PLPBP: variants seen among roughly 807,000 people sequenced by gnomAD.
PLPBP encodes pyridoxal phosphate homeostasis protein.
In PLPBP, 21 loss-of-function variants were observed where a neutral mutation model predicts 31.2. That is an observed-to-expected ratio of 0.67 (90% CI 0.48 to 0.97). The LOEUF is 0.97. PLPBP is among the 50% of genes least tolerant of loss of function. The pLI, the probability that PLPBP is intolerant of heterozygous loss-of-function variation, is 0.00. For synonymous variants in PLPBP, 124 were observed against 135.6 expected (o/e 0.91, Z 0.59); for missense variants, 308 against 354.4 (o/e 0.87, Z 1.05).
rs1803633062 is a variant in PLPBP, at chr8:37,766,492, G to A, written c.319+137G>A. 3.0e-6 allele frequency: 4 copies of A among 1,320,684 alleles called. No homozygotes were observed. The Middle Eastern group carries it at 7.9e-4, about 260-fold the overall frequency. 81.8% of individuals were successfully genotyped at this position (1,320,684 alleles called of 1,614,324 possible). A position where few individuals can be genotyped will look rare whatever the true frequency, so the allele number is the denominator to read the frequency against. On this transcript the variant is annotated intron_variant, in intron 4 of 7. Transcript: ENST00000328195. ...TTGGAATTTCTTTAGGAAAGTCTGAGTTCTTAATAAAAAGAGAAAACATCA... is the reference window on the plus strand; with the variant it reads ...TTGGAATTTCTTTAGGAAAGTCTGAATTCTTAATAAAAAGAGAAAACATCA...
chr8:37,768,957 A>G (rs936507869), intron 4 of PLPBP, among the ~76,000 whole-genome samples: 11 of 152,198 alleles, frequency 7.2e-5, no homozygotes, highest in African/African-American at 9.7e-5. Flanking sequence ...AATAAAAGCT[A>G]TAAAAGTATT....
chr8:37,766,951 G>T (rs149592463), intron 4 of PLPBP, among the ~76,000 whole-genome samples: 1 of 148,396 alleles, frequency 6.7e-6, no homozygotes, highest in Non-Finnish European at 1.5e-5. Context: ...GGAGGCTGAC[G>T]CAGGAGAATC....
chr8:37,763,590 A>G (rs983991711), intron 1 of PLPBP, among the ~76,000 whole-genome samples: 2 of 152,138 alleles, frequency 1.3e-5, no homozygotes, highest in Non-Finnish European at 1.5e-5. Flanking sequence ...TGATGTTAAT[A>G]TTCTGTGATT....
chr8:37,769,070 C>T (rs1198826026), intron 4 of PLPBP, among the ~76,000 whole-genome samples: 1 of 152,126 alleles, frequency 6.6e-6, no homozygotes, highest in Non-Finnish European at 1.5e-5. Context: ...CACAGTGGCT[C>T]ACACCTGTAA....
chr8:37,775,162 G>A (rs1243036719), intron 5 of PLPBP, 177 bp from the exon 6 acceptor site: 1 of 591,170 alleles, frequency 1.7e-6, no homozygotes, highest in African/African-American at 1.9e-5. Context: ...AACCTGACCA[G>A]AAGCAGAGCA....
intron 7 of PLPBP, among the ~76,000 whole-genome samples, chr8:37,777,085 T>A (rs750943121): frequency 6.6e-6 from 1 of 152,200 alleles, no homozygotes; most frequent in Non-Finnish European, 1.5e-5. Context: ...ATCTTATGTG[T>A]AGATTCACCA....
intron 4 of PLPBP, among the ~76,000 whole-genome samples, chr8:37,769,579 C>A (rs542334980): frequency 2.3e-4 from 35 of 151,708 alleles, no homozygotes; most frequent in Admixed American, 1.1e-3. Context: ...ATACAAAAGG[C>A]CAGTAATCAA....
chr8:37,763,010 TGTC>T (rs1490756430), intron 1 of PLPBP, among the ~76,000 whole-genome samples: 1 of 152,028 alleles, frequency 6.6e-6, no homozygotes, highest in African/African-American at 2.4e-5. Context: ...AGTGCCTAGG[TGTC>T]GTGGCCACTT....
chr8:37,765,118 C>T (rs192200988), intron 1 of PLPBP, among the ~76,000 whole-genome samples: 2 of 152,230 alleles, frequency 1.3e-5, no homozygotes, highest in African/African-American at 2.4e-5. Context: ...GCAGAGGTTG[C>T]GGTGAGCCGA....
rs781152737 is a variant in PLPBP at position 37,775,479 on chromosome 8, C to T, written c.595C>T (p.Gln199Ter). ...TAGTCAAGGACCAAATCCAGACTTCCAGGTACTGGGGGGTCGGGGAGATTG... is the reference window on the plus strand; with the variant it reads ...TAGTCAAGGACCAAATCCAGACTTCTAGGTACTGGGGGGTCGGGGAGATTG... ...DLSQGPNPDF[Q>*]LLLSLREELC... is the part of the protein sequence containing the mutation. Residue 199 changes from glutamine (Q) to a stop codon, truncating the protein, a stop_gained and splice_region_variant, in exon 6 of 8, where the codon CAG becomes TAG. Coordinates refer to ENST00000328195, the MANE Select transcript of PLPBP (RefSeq NM_007198.4). LOFTEE classifies it high-confidence loss of function. 6.2e-7 allele frequency: 1 copy of T among 1,613,866 alleles called. No individual in the cohort carries two copies. The highest frequency in any genetic ancestry group is 1.1e-5 in the South Asian group (1 of 91,068).
At chr8:37,762,998 T>G (rs1420044919) in intron 1 of PLPBP, among the ~76,000 whole-genome samples, 3 of 152,170 alleles carry the variant, frequency 2.0e-5, no homozygotes, top group Non-Finnish European at 4.4e-5. Context: ...GGAAAATGAC[T>G]TAGTGCCTAG....
intron 5 of PLPBP, 90 bp downstream of exon 5, chr8:37,772,979 A>T (rs1803814516): frequency 6.6e-7 from 1 of 1,508,150 alleles, no homozygotes; most frequent in Non-Finnish European, 9.1e-7. Flanking sequence ...TCTGATGGAT[A>T]AGGTTATAGA....
chr8:37,778,252 C>T lies in PLPBP; in HGVS notation c.*148C>T. 1 of 997,210 alleles carries T rather than the reference C, an allele frequency of 1.0e-6. No individual in the cohort carries two copies. The allele number at this position is 997,210 out of a possible 1,614,324, so 61.8% of individuals were successfully genotyped here. On this transcript the variant is annotated 3_prime_UTR_variant, in exon 8 of 8. Transcript: ENST00000328195. The stretch of plus-strand genomic sequence containing the variant: ...GATGGAAACCATCTGTGCTTAGTCT[C>T]TGACATAGGAAGCTTGCTTCAGGCA...
Position 37,775,333 on chromosome 8 carries a change from T to C in PLPBP, c.455-6T>C. 6.2e-7 allele frequency: 1 copy of C among 1,614,164 alleles called. No individual in the cohort carries two copies. Among genetic ancestry groups the C allele is most frequent in the Non-Finnish European group, 8.5e-7 (1 of 1,179,994 alleles). On this transcript the variant is annotated splice_region_variant and splice_polypyrimidine_tract_variant and intron_variant, in intron 5 of 7. Transcript: ENST00000328195. ...GTATACCTGTTTTCTGTTTCTTTTCTTGAAGGTAAACATGGCCTTCCACCT... is the reference window on the plus strand; with the variant it reads ...GTATACCTGTTTTCTGTTTCTTTTCCTGAAGGTAAACATGGCCTTCCACCT...
chr8:37,769,756 A>G (rs1180129033), intron 4 of PLPBP, among the ~76,000 whole-genome samples: 1 of 152,160 alleles, frequency 6.6e-6, no homozygotes, highest in East Asian at 1.9e-4. Flanking sequence ...TAAAGATTCC[A>G]CCAAAAAACT....
At chr8:37,775,157 G>T in intron 5 of PLPBP, 182 bp from the exon 6 acceptor site, 1 of 570,764 alleles carries the variant, frequency 1.8e-6, no homozygotes. Context: ...TTTAGAACCT[G>T]ACCAGAAGCA....
intron 3 of PLPBP, among the ~76,000 whole-genome samples, 163 bp downstream of exon 3, chr8:37,765,909 T>A (rs561271662): frequency 6.6e-6 from 1 of 152,282 alleles, no homozygotes; most frequent in African/African-American, 2.4e-5. Flanking sequence ...CCCAAGTAAT[T>A]CTCAGCTAGA....
chr8:37,773,037 A>G, intron 5 of PLPBP, 148 bp downstream of exon 5: 1 of 981,484 alleles, frequency 1.0e-6, no homozygotes, highest in Admixed American at 2.4e-5. Context: ...TTTATGTGTG[A>G]TCTAGGTAGC....
intron 4 of PLPBP, 84 bp from the exon 5 acceptor site, chr8:37,772,669 TCC>T: frequency 6.7e-7 from 1 of 1,484,660 alleles, no homozygotes; most frequent in African/African-American, 1.4e-5. Flanking sequence ...GCATATTTTT[TCC>T]TCTAACAAGT....
Sources: allele counts gnomAD v4.1 joint callset (sites outside exome capture counted in the v4.1 genomes callset), GRCh38; gene constraint gnomAD v4.1.1; transcripts MANE v1.5; gene names NCBI Gene and HGNC (gene_info 2026-07-23, HGNC 2026-07-21).